The following WASF3 variants were observed in gnomAD, a reference collection of about 807,000 sequenced individuals.
The protein encoded by WASF3 is WASP family member 3.
Under a neutral mutation model 46.6 loss-of-function variants are expected in WASF3, and 11 were observed. The observed-to-expected ratio is 0.24, with a 90% CI of 0.15 to 0.39. The LOEUF is 0.39. Among genes scored for constraint, WASF3 ranks in the 10% least tolerant of loss-of-function variants. WASF3 has a pLI of 1.00. For synonymous variants in WASF3, 242 were observed against 259.7 expected (o/e 0.93, Z 0.65); for missense variants, 576 against 669.8 (o/e 0.86, Z 1.55).
At position 26,661,720 on chromosome 13, in the gene WASF3, C is replaced by A. The variant is rs190881964; in HGVS notation, c.134-3308C>A. Among the ~76,000 whole-genome samples, 140 of 152,334 alleles carry A rather than the reference C, an allele frequency of 9.2e-4. 1 individual carries two copies. Among genetic ancestry groups the A allele is most frequent in the African/African-American group, 3.3e-3 (136 of 41,578 alleles). The stretch of plus-strand genomic sequence containing the variant: ...GCAGTTGTACCATTGTACATTCTCA[C>A]CAACAGCGCACAGGGTTCCAATTTC... On this transcript the variant is annotated intron_variant, in intron 3 of 9. Coordinates refer to ENST00000335327, the MANE Select transcript of WASF3 (RefSeq NM_006646.6).
intron 2 of WASF3, among the ~76,000 whole-genome samples, chr13:26,632,034 CTT>C (rs1881667026): frequency 6.6e-6 from 1 of 152,176 alleles, no homozygotes; most frequent in Admixed American, 6.5e-5. Context: ...TATCCTGAGA[CTT>C]TGCTGAAGTA....
the WASF3 span, among the ~76,000 whole-genome samples, chr13:26,545,998 A>G: frequency 6.6e-6 from 1 of 152,226 alleles, no homozygotes; most frequent in Non-Finnish European, 1.5e-5. Flanking sequence ...TAAAAACACT[A>G]TTAATTGTAT....
intron 1 of WASF3, among the ~76,000 whole-genome samples, chr13:26,595,410 C>T (rs1880430947): frequency 6.6e-6 from 1 of 152,122 alleles, no homozygotes; most frequent in Non-Finnish European, 1.5e-5. Context: ...GTACCCTTGC[C>T]CAGCTTCCCC....
intron 1 of WASF3, among the ~76,000 whole-genome samples, chr13:26,581,451 T>C (rs1879977345): frequency 6.6e-6 from 1 of 152,092 alleles, no homozygotes. Flanking sequence ...ATTTTTTTTT[T>C]TTTTAACAGT....
intron 1 of WASF3, among the ~76,000 whole-genome samples, chr13:26,566,387 A>T (rs1879464928): frequency 6.6e-6 from 1 of 152,250 alleles, no homozygotes; most frequent in Admixed American, 6.5e-5. Context: ...CTAAATATAA[A>T]GAATGAGAAT....
chr13:26,629,403 G>A (rs148391243), intron 2 of WASF3, among the ~76,000 whole-genome samples: 39 of 152,174 alleles, frequency 2.6e-4, no homozygotes, highest in African/African-American at 8.2e-4. Context: ...ACATCTGCAC[G>A]CATTTCAGAT....
Position 26,672,001 on chromosome 13 carries a change from C to T in WASF3, c.540+12C>T, listed in dbSNP as rs771674122. ...AAAGGCGTCAAAAGGTAAATAATTTCAGTATGGGAAATGTGCATATCAGTG... is the reference window on the plus strand; with the variant it reads ...AAAGGCGTCAAAAGGTAAATAATTTTAGTATGGGAAATGTGCATATCAGTG... On this transcript the variant is annotated intron_variant, in intron 6 of 9. Coordinates refer to ENST00000335327, the MANE Select transcript of WASF3 (RefSeq NM_006646.6). 3 of 1,549,206 alleles carry T rather than the reference C, an allele frequency of 1.9e-6. No homozygotes were observed. The highest frequency in any genetic ancestry group is 2.7e-6 in the Non-Finnish European group (3 of 1,126,856).
intron 2 of WASF3, among the ~76,000 whole-genome samples, chr13:26,627,043 A>G (rs1214331991): frequency 2.0e-5 from 3 of 152,176 alleles, no homozygotes; most frequent in South Asian, 2.1e-4. Flanking sequence ...GCACATTGAT[A>G]TGATTTTGAA....
At chr13:26,605,003 G>A (rs557131512) in intron 1 of WASF3, among the ~76,000 whole-genome samples, 3 of 152,258 alleles carry the variant, frequency 2.0e-5, no homozygotes, top group South Asian at 4.1e-4. Context: ...AGGCGCCAGG[G>A]TCCTTTGGTC....
upstream of WASF3, among the ~76,000 whole-genome samples, chr13:26,553,239 A>C (rs143227461): frequency 6.6e-6 from 1 of 152,122 alleles, no homozygotes; most frequent in Non-Finnish European, 1.5e-5. Context: ...ATACCTTGTC[A>C]CCAGTTTCCC....
intron 1 of WASF3, among the ~76,000 whole-genome samples, chr13:26,558,799 A>G (rs2137132605): frequency 6.6e-6 from 1 of 152,342 alleles, no homozygotes; most frequent in Non-Finnish European, 1.5e-5. Flanking sequence ...TACTTTTCGC[A>G]GTTCTTCAAA....
intron 2 of WASF3, among the ~76,000 whole-genome samples, chr13:26,618,137 T>TAA (rs1881192549): frequency 6.6e-6 from 1 of 152,214 alleles, no homozygotes. Flanking sequence ...CATTAACACT[T>TAA]ACTGTGATTA....
chr13:26,616,736 C>T (rs1470061440), intron 2 of WASF3, among the ~76,000 whole-genome samples: 1 of 152,080 alleles, frequency 6.6e-6, no homozygotes, highest in Non-Finnish European at 1.5e-5. Context: ...GAGTCAATAG[C>T]TGTGCAGGAC....
chr13:26,606,663 T>A (rs973100178), intron 1 of WASF3: 1 of 152,004 alleles, frequency 6.6e-6, no homozygotes, highest in Non-Finnish European at 1.5e-5. Context: ...GCCCTTTGAC[T>A]ACCTCTCGTA....
upstream of WASF3, among the ~76,000 whole-genome samples, chr13:26,553,421 A>G (rs1251498199): frequency 6.6e-6 from 1 of 151,960 alleles, no homozygotes; most frequent in Non-Finnish European, 1.5e-5. Flanking sequence ...CTCTGCTTGT[A>G]CACTAGAATG....
At chr13:26,678,602 A>C (rs774491839) in intron 7 of WASF3, among the ~76,000 whole-genome samples, 1 of 152,156 alleles carries the variant, frequency 6.6e-6, no homozygotes, top group Non-Finnish European at 1.5e-5. Flanking sequence ...ACCAGGTTTC[A>C]TGGTGTGTGT....
chr13:26,597,383 C>T (rs914251970), intron 1 of WASF3, among the ~76,000 whole-genome samples: 9 of 152,250 alleles, frequency 5.9e-5, no homozygotes, highest in Non-Finnish European at 8.8e-5. Flanking sequence ...GATCTGCCCG[C>T]CTGGGCCTCC....
At chr13:26,618,321 A>C (rs918651337) in intron 2 of WASF3, among the ~76,000 whole-genome samples, 4 of 152,208 alleles carry the variant, frequency 2.6e-5, no homozygotes, top group African/African-American at 9.7e-5. Context: ...ATAACACCTG[A>C]ATATATACGT....
intron 1 of WASF3, among the ~76,000 whole-genome samples, chr13:26,559,826 TTTTTTTTTGA>T (rs1879237294): frequency 7.7e-6 from 1 of 129,428 alleles, no homozygotes; most frequent in Non-Finnish European, 1.6e-5. Context: ...TTTTTTTTTT[TTTTTTTTTGA>T]GACGGAGTCT....
Sources: gnomAD v4.1 joint callset for allele counts (sites outside exome capture counted in the v4.1 genomes callset) on GRCh38, gnomAD v4.1.1 for gene constraint, MANE v1.5 for transcripts, NCBI Gene and HGNC (gene_info 2026-07-23, HGNC 2026-07-21) for gene names.